The following PLSCR2 variants were observed in gnomAD, a reference collection of about 807,000 sequenced individuals.
PLSCR2 encodes phospholipid scramblase 2.
Under a neutral mutation model 25.3 loss-of-function variants are expected in PLSCR2, and 18 were observed. The ratio of observed to expected loss-of-function variants is 0.71; its 90% CI spans 0.49 to 1.06. PLSCR2 has a LOEUF of 1.06. Ranked by LOEUF, PLSCR2 falls within the 50% of genes least tolerant of loss-of-function variation. The pLI is 0.00. For synonymous variants in PLSCR2, 88 were observed against 87.3 expected (o/e 1.01, Z -0.04); for missense variants, 243 against 269.5 (o/e 0.90, Z 0.69).
intron 8 of PLSCR2, among the ~76,000 whole-genome samples, chr3:146,435,838 G>A (rs1013545094): frequency 7.2e-5 from 11 of 152,148 alleles, no homozygotes; most frequent in Non-Finnish European, 1.6e-4. Flanking sequence ...TAGTCATGAA[G>A]TACTTGCCCA....
intron 1 of PLSCR2, among the ~76,000 whole-genome samples, chr3:146,471,950 A>G (rs999529604): frequency 6.6e-6 from 1 of 152,112 alleles, no homozygotes; most frequent in Admixed American, 6.5e-5. Context: ...ATTTTCAGTG[A>G]TTTTTACTTT....
chr3:146,473,285 C>A (rs1020883957), intron 1 of PLSCR2, among the ~76,000 whole-genome samples: 1 of 147,892 alleles, frequency 6.8e-6, no homozygotes, highest in Non-Finnish European at 1.5e-5. Flanking sequence ...GTATTATAGT[C>A]CTGAAGAAAA....
intron 6 of PLSCR2, among the ~76,000 whole-genome samples, chr3:146,442,029 T>C (rs2040272534): frequency 6.6e-6 from 1 of 152,048 alleles, no homozygotes; most frequent in Admixed American, 6.6e-5. Flanking sequence ...ATAATCCTAT[T>C]TATTTATTGA....
chr3:146,424,878 A>C (rs957645293), intron 2 of PLSCR2, among the ~76,000 whole-genome samples: 2 of 101,838 alleles, frequency 2.0e-5, no homozygotes, highest in African/African-American at 6.8e-5. Flanking sequence ...AAAGTGCAAG[A>C]GTAGTGATGC....
intron 6 of PLSCR2, among the ~76,000 whole-genome samples, chr3:146,446,900 T>A (rs1162505502): frequency 6.6e-6 from 1 of 152,118 alleles, no homozygotes; most frequent in Non-Finnish European, 1.5e-5. Context: ...TTCTTCCACT[T>A]CCTTAAGAAA....
chr3:146,451,265 C>T (rs2040880956), intron 5 of PLSCR2, among the ~76,000 whole-genome samples: 1 of 151,928 alleles, frequency 6.6e-6, no homozygotes, highest in South Asian at 2.1e-4. Context: ...CAGGCGCCTG[C>T]CACCACGCCT....
chr3:146,491,075 A>T (rs2043533952), intron 1 of PLSCR2, among the ~76,000 whole-genome samples: 1 of 152,070 alleles, frequency 6.6e-6, no homozygotes, highest in Non-Finnish European at 1.5e-5. Context: ...TGCTTGCCTA[A>T]AAAAGATATC....
chr3:146,490,295 G>A (rs1291550872), intron 1 of PLSCR2, among the ~76,000 whole-genome samples: 1 of 152,130 alleles, frequency 6.6e-6, no homozygotes, highest in African/African-American at 2.4e-5. Context: ...TAGCTCTCAA[G>A]GCCTGAGAAT....
intron 1 of PLSCR2, among the ~76,000 whole-genome samples, chr3:146,495,564 A>G (rs2043717178): frequency 2.0e-5 from 3 of 151,770 alleles, no homozygotes; most frequent in Admixed American, 1.3e-4. Flanking sequence ...TAGACCCCAG[A>G]AAGACCCCTC....
At chr3:146,426,653 A>T (rs1293050004) in intron 2 of PLSCR2, among the ~76,000 whole-genome samples, 2 of 152,224 alleles carry the variant, frequency 1.3e-5, no homozygotes, top group Non-Finnish European at 2.9e-5. Context: ...TATGCAAAAC[A>T]TATTCATTAA....
chr3:146,458,747 A>T (rs2041373417), intron 2 of PLSCR2, among the ~76,000 whole-genome samples: 1 of 152,060 alleles, frequency 6.6e-6, no homozygotes, highest in African/African-American at 2.4e-5. Context: ...AATGAGGCTT[A>T]AACATATAAA....
chr3:146,422,964 C>G lies in PLSCR2; in HGVS notation c.101-27043G>C, dbSNP rs148728409. Among the ~76,000 whole-genome samples the G allele has an allele frequency of 2.1e-3, 326 of 151,966 alleles. 6 individuals carry two copies. Among genetic ancestry groups the G allele is most frequent in the Admixed American group, 0.02 (312 of 15,232 alleles). On this transcript the variant is annotated intron_variant and NMD_transcript_variant, in intron 2 of 3. Coordinates refer to the PLSCR2 transcript ENST00000463633. Reference sequence around the variant, plus strand: ...GAAGCCAAAAATAAAAATGGACCACCCTTTAGATAAATCAGAGGTCTATAT... The same window carrying G: ...GAAGCCAAAAATAAAAATGGACCACGCTTTAGATAAATCAGAGGTCTATAT...
chr3:146,413,445 T>C (rs1040629401), intron 2 of PLSCR2, among the ~76,000 whole-genome samples: 1 of 152,212 alleles, frequency 6.6e-6, no homozygotes, highest in African/African-American at 2.4e-5. Flanking sequence ...TCCTCTTGTA[T>C]CTTACTATAA....
intron 5 of PLSCR2, among the ~76,000 whole-genome samples, chr3:146,453,523 T>C (rs1258828037): frequency 1.3e-5 from 2 of 152,088 alleles, no homozygotes; most frequent in Non-Finnish European, 2.9e-5. Context: ...AGAAGTATAA[T>C]TGGGTAATAC....
chr3:146,403,027 T>C (rs1350059900), intron 2 of PLSCR2, among the ~76,000 whole-genome samples: 1 of 152,096 alleles, frequency 6.6e-6, no homozygotes. Flanking sequence ...CAAATGGGAG[T>C]ATAAAATTAA....
At chr3:146,464,447 C>G (rs1028484917), upstream of PLSCR2, among the ~76,000 whole-genome samples, 1 of 152,132 alleles carries the variant, frequency 6.6e-6, no homozygotes, top group Non-Finnish European at 1.5e-5. Context: ...TGGGCTGTGT[C>G]CTGACTAAAT....
chr3:146,441,779 G>T, exon 7 of PLSCR2: 3 of 1,583,346 alleles, frequency 1.9e-6, no homozygotes, highest in Non-Finnish European at 2.6e-6. Context: ...CCCACACTCT[G>T]ACATTCCAGT....
chr3:146,404,806 A>G (rs1039662614), intron 2 of PLSCR2, among the ~76,000 whole-genome samples: 3 of 130,548 alleles, frequency 2.3e-5, no homozygotes, highest in African/African-American at 8.3e-5. Flanking sequence ...AGGAAGAAAT[A>G]GGCAAAAAAA....
At chr3:146,486,284 A>C (rs1218572750) in intron 1 of PLSCR2, among the ~76,000 whole-genome samples, 2 of 152,092 alleles carry the variant, frequency 1.3e-5, no homozygotes, top group Non-Finnish European at 2.9e-5. Flanking sequence ...AAATAAATCT[A>C]AAAGCTAGTG....
Sources: gnomAD v4.1 joint callset for allele counts (sites outside exome capture counted in the v4.1 genomes callset) on GRCh38, gnomAD v4.1.1 for gene constraint, MANE v1.5 for transcripts, NCBI Gene and HGNC (gene_info 2026-07-23, HGNC 2026-07-21) for gene names.